The following PXDN variants were observed in gnomAD, a reference collection of about 807,000 sequenced individuals.
PXDN encodes the protein peroxidasin homolog.
A neutral mutation model predicts 140.3 loss-of-function variants in PXDN; 77 were observed. That is an observed-to-expected ratio of 0.55 (90% CI 0.46 to 0.66). PXDN has a LOEUF of 0.66. Ranked by LOEUF, PXDN falls within the 30% of genes least tolerant of loss-of-function variation. The pLI, the probability that PXDN is intolerant of heterozygous loss-of-function variation, is 0.00. For synonymous variants in PXDN, 911 were observed against 857.4 expected, an observed-to-expected ratio of 1.06 and a Z score of -1.09; for missense variants, 1,838 against 2,039.5, an observed-to-expected ratio of 0.90 and a Z score of 1.90.
intron 17 of PXDN, among the ~76,000 whole-genome samples, chr2:1,647,793 C>A (rs570714142): frequency 6.6e-6 from 1 of 152,366 alleles, no homozygotes; most frequent in East Asian, 1.9e-4. Flanking sequence ...AGCTGCCCAA[C>A]AGCCACAGTG....
chr2:1,744,219 C>T (rs1299421263), intron 1 of PXDN, 37 bp downstream of exon 1: 1 of 1,457,242 alleles, frequency 6.9e-7, no homozygotes, highest in South Asian at 1.4e-5. Flanking sequence ...CACGAAGCCC[C>T]GGACCCCGCG....
At chr2:1,698,886 C>A (rs1684356374) in intron 1 of PXDN, among the ~76,000 whole-genome samples, 1 of 152,180 alleles carries the variant, frequency 6.6e-6, no homozygotes, top group Admixed American at 6.5e-5. Flanking sequence ...AAAAACAGAA[C>A]ACAGATTCAT....
intron 1 of PXDN, among the ~76,000 whole-genome samples, chr2:1,737,571 G>T (rs556028406): frequency 6.6e-6 from 1 of 150,838 alleles, no homozygotes; most frequent in Admixed American, 6.6e-5. Context: ...ATGGAGTCTT[G>T]CTCTGTCCCC....
At chr2:1,721,144 G>A (rs1423982104) in intron 1 of PXDN, among the ~76,000 whole-genome samples, 1 of 152,166 alleles carries the variant, frequency 6.6e-6, no homozygotes, top group African/African-American at 2.4e-5. Context: ...TAATGTCTCA[G>A]CACATATCTG....
At chr2:1,694,905 C>A (rs1179853361) in intron 1 of PXDN, among the ~76,000 whole-genome samples, 1 of 152,180 alleles carries the variant, frequency 6.6e-6, no homozygotes, top group African/African-American at 2.4e-5. Context: ...AGCTCCCGTA[C>A]CTGAGACACA....
rs746258130 is a variant in PXDN, at chr2:1,648,657, C to T, written c.3123G>A (p.Glu1041=). The T allele has an allele frequency of 6.2e-7, 1 of 1,609,732 alleles. No individual in the cohort carries two copies. The highest frequency in any genetic ancestry group is 1.1e-5 in the South Asian group (1 of 90,186). ...ACTCTCCCAGCGTCCTCATGCCCACCTCCCCCAGGATCTTCGGGAGCCAGT... is the reference window on the plus strand; with the variant it reads ...ACTCTCCCAGCGTCCTCATGCCCACTTCCCCCAGGATCTTCGGGAGCCAGT... ...YQHWLPKILG[E]VGMRTLGEYH... Residue 1041 remains glutamate (E), a synonymous_variant, in exon 17 of 23, where the codon GAG becomes GAA. Transcript: ENST00000252804. The surrounding 1 kb of genome is among the most constrained non-coding windows in gnomAD (Gnocchi z 8.9).
chr2:1,739,296 C>T (rs1480700083), intron 1 of PXDN, among the ~76,000 whole-genome samples: 1 of 152,148 alleles, frequency 6.6e-6, no homozygotes, highest in Non-Finnish European at 1.5e-5. Flanking sequence ...ACTAGGGAAA[C>T]TGAGTCAGAA....
chr2:1,665,163 A>G, intron 10 of PXDN, 89 bp from the exon 11 acceptor site: 3 of 959,312 alleles, frequency 3.1e-6, no homozygotes, highest in Non-Finnish European at 4.9e-6. Context: ...GTCTTGGCAG[A>G]CGTCTGACCA....
chr2:1,711,471 C>CTCCACCAGCACCT (rs1684776808), intron 1 of PXDN, among the ~76,000 whole-genome samples: 1 of 70,524 alleles, frequency 1.4e-5, no homozygotes, highest in Non-Finnish European at 2.9e-5. Context: ...CACCAGCACC[C>CTCCACCAGCACCT]GCTCCACCAG....
rs1222325332 is a variant in PXDN at position 1,685,421 on chromosome 2, C to G, written c.417-1270G>C. Among the ~76,000 whole-genome samples, 1 of 152,194 alleles carries G rather than the reference C, an allele frequency of 6.6e-6. No homozygotes were observed. The highest frequency in any genetic ancestry group is 1.5e-5 in the Non-Finnish European group (1 of 68,036). On this transcript the variant is annotated intron_variant, in intron 4 of 22. Coordinates refer to ENST00000252804, the MANE Select transcript of PXDN (RefSeq NM_012293.3). The surrounding 1 kb of genome is among the most constrained non-coding windows in gnomAD (Gnocchi z 5.1). ...TCCCTGGAGCCTCGTCTCTGCCAGG[C>G]AGTGTGCTGACAGGGCGCCTGTGGT...
In PXDN at chr2:1,685,843, C is replaced by T. The variant is rs1411940354; in HGVS notation, c.417-1692G>A. Among the ~76,000 whole-genome samples the T allele has an allele frequency of 6.6e-6, 1 of 152,074 alleles. No homozygotes were observed. On this transcript the variant is annotated intron_variant, in intron 4 of 22. Transcript: ENST00000252804. This position sits in a 1 kb window ranked among gnomAD's most constrained non-coding sequence, Gnocchi z 5.1. ...ACCCCTCCCTGAACAATTGAGGAAA[C>T]AGGACCAAAGACAGGAAATGGCTCC... is the stretch of plus-strand genomic sequence containing the variant.
At chr2:1,690,648 C>CAAAAAAAAAAAAAAAAAAAA (rs35970382) in intron 3 of PXDN, among the ~76,000 whole-genome samples, 1 of 68,634 alleles carries the variant, frequency 1.5e-5, no homozygotes, top group African/African-American at 5.7e-5. Flanking sequence ...TTCAAAATAC[C>CAAAAAAAAAAAAAAAAAAAA]AAAAAAAAAA....
chr2:1,720,319 GAGATGCACAGAGAGAGGGAGGGATGC>G (rs1685008584), intron 1 of PXDN, among the ~76,000 whole-genome samples: 1 of 137,380 alleles, frequency 7.3e-6, no homozygotes, highest in African/African-American at 2.7e-5. Context: ...CAGAGAGAGA[GAGATGCACAGAGAGAGGGAGGGATGC>G]AGAGAGAGGG....
At chr2:1,669,242 T>C (rs1415900294) in intron 9 of PXDN, among the ~76,000 whole-genome samples, 2 of 151,408 alleles carry the variant, frequency 1.3e-5, no homozygotes, top group South Asian at 2.1e-4. Context: ...TAAGTGGGAG[T>C]TGAACAGTGA....
intron 1 of PXDN, among the ~76,000 whole-genome samples, chr2:1,697,539 T>C (rs1684325158): frequency 6.6e-6 from 1 of 152,210 alleles, no homozygotes; most frequent in African/African-American, 2.4e-5. Context: ...TGCACCTACA[T>C]ATGACTCAAC....
At chr2:1,736,248 C>G (rs984156718) in intron 1 of PXDN, among the ~76,000 whole-genome samples, 2 of 152,160 alleles carry the variant, frequency 1.3e-5, no homozygotes, top group Non-Finnish European at 2.9e-5. Flanking sequence ...TTTGACATGC[C>G]TTCCTCACTA....
chr2:1,684,212 T>G (rs1336054755), intron 4 of PXDN, 61 bp from the exon 5 acceptor site: 19 of 1,454,108 alleles, frequency 1.3e-5, no homozygotes, highest in Admixed American at 2.0e-5. Flanking sequence ...ATCCAGATTT[T>G]TGCCCAAATT....
Position 1,633,803 on chromosome 2 carries a change from A to G in PXDN, c.*401T>C, listed in dbSNP as rs1682476013. On this transcript the variant is annotated 3_prime_UTR_variant, in exon 23 of 23. Coordinates refer to ENST00000252804, the MANE Select transcript of PXDN (RefSeq NM_012293.3). ...GGTGACAGGTCTGCCGGCTCCTGGCATCTGAACAAGGCAAGGCTGACATAT... is the reference window on the plus strand; with the variant it reads ...GGTGACAGGTCTGCCGGCTCCTGGCGTCTGAACAAGGCAAGGCTGACATAT... 1 of 154,698 alleles carries G rather than the reference A, an allele frequency of 6.5e-6. No individual in the cohort carries two copies. The allele number at this position is 154,698 out of a possible 1,614,324, so 9.6% of individuals were successfully genotyped here.
At chr2:1,667,550 A>G (rs911304425) in intron 9 of PXDN, among the ~76,000 whole-genome samples, 1 of 152,066 alleles carries the variant, frequency 6.6e-6, no homozygotes, top group African/African-American at 2.4e-5. Flanking sequence ...TATTTAGAAA[A>G]CTCCAACATC....
Sources: gnomAD v4.1 joint callset for allele counts (sites outside exome capture counted in the v4.1 genomes callset) on GRCh38, gnomAD v4.1.1 for gene constraint, Gnocchi (gnomAD v3.1) non-coding constraint, MANE v1.5 for transcripts, NCBI Gene and HGNC (gene_info 2026-07-23, HGNC 2026-07-21) for gene names.